CFAP46: variants seen among roughly 807,000 people sequenced by gnomAD.
CFAP46 encodes cilia and flagella associated protein 46.
CFAP46 carries 245 observed loss-of-function variants against 325.7 expected under a neutral mutation model. That is an observed-to-expected ratio of 0.75 (90% CI 0.68 to 0.84). The LOEUF (loss-of-function observed/expected upper bound fraction) is 0.84, where lower values mean the gene tolerates loss of function less well. CFAP46 is among the 40% of genes least tolerant of loss of function. The pLI, the probability that CFAP46 is intolerant of heterozygous loss-of-function variation, is 0.00. For synonymous variants in CFAP46, 1,523 were observed against 1,495.9 expected (o/e 1.02, Z -0.42); for missense variants, 3,346 against 3,543.0 (o/e 0.94, Z 1.41).
At chr10:132,920,522 G>A (rs998095479) in intron 13 of CFAP46, among the ~76,000 whole-genome samples, 3 of 152,216 alleles carry the variant, frequency 2.0e-5, no homozygotes, top group African/African-American at 7.2e-5. Context: ...AGACTCCCGA[G>A]CTCCCACCCA....
At chr10:132,935,882 G>A (rs368684310) in intron 7 of CFAP46, among the ~76,000 whole-genome samples, 1 of 124,448 alleles carries the variant, frequency 8.0e-6, no homozygotes, top group African/African-American at 3.0e-5. Context: ...CAAACCCACC[G>A]TGATCTCCTC....
intron 16 of CFAP46, 54 bp downstream of exon 16, chr10:132,918,339 C>T (rs1033116475): frequency 7.5e-7 from 1 of 1,325,702 alleles, no homozygotes; most frequent in Non-Finnish European, 1.0e-6. Context: ...ACCGATGAAC[C>T]CCCCTCTCCA....
At position 132,876,262 on chromosome 10, in the gene CFAP46, G is replaced by A. The variant is rs1848955869; in HGVS notation, c.4362+550C>T. On this transcript the variant is annotated intron_variant, in intron 31 of 57. Transcript: ENST00000368586. This position sits in a 1 kb window ranked among gnomAD's most constrained non-coding sequence, Gnocchi z 4.1. The stretch of plus-strand genomic sequence containing the variant: ...CGGCAGTGAACTGAATGACCACTAT[G>A]GAGGGCAGCATGGCAGCGTGGCACC... Among the ~76,000 whole-genome samples the A allele has an allele frequency of 6.6e-6, 1 of 152,262 alleles. No homozygotes were observed. The highest frequency in any genetic ancestry group is 1.5e-5 in the Non-Finnish European group (1 of 68,052).
At chr10:132,836,081 C>G in intron 46 of CFAP46, 61 bp downstream of exon 46, 1 of 1,380,538 alleles carries the variant, frequency 7.2e-7, no homozygotes, top group Admixed American at 1.9e-5. Context: ...CTCACCTCCC[C>G]ACTCTCGCCC....
chr10:132,898,797 C>A (rs777486396), intron 24 of CFAP46, 162 bp downstream of exon 24: 56 of 958,680 alleles, frequency 5.8e-5, no homozygotes, highest in Non-Finnish European at 8.6e-5. Context: ...AGTGCTGGGA[C>A]TTGGAGACCC....
Position 132,859,185 on chromosome 10 carries a change from G to A in CFAP46, c.5261C>T (p.Ser1754Leu), listed in dbSNP as rs2135216289. ...HSAVTEPTECSLLLKEMDDGL... is the reference protein window; with the variant it reads ...HSAVTEPTECLLLLKEMDDGL... ...ATCATCCATCTCTTTCAGTAGCAAC[G>A]AGCACTCTGTGGGTTCAGTGACCGC... Residue 1754 changes from serine to leucine, a missense_variant, in exon 38 of 58, where the codon TCG (serine) becomes TTG (leucine). Ser to Leu is a moderately radical substitution (Grantham distance 145). Transcript: ENST00000368586. 1.9e-6 allele frequency: 3 copies of A among 1,550,450 alleles called. No individual in the cohort carries two copies. The highest frequency in any genetic ancestry group is 2.6e-6 in the Non-Finnish European group (3 of 1,146,994).
At position 132,879,484 on chromosome 10, in the gene CFAP46, G is replaced by A. The variant is rs1591068237; in HGVS notation, c.3947C>T (p.Ala1316Val). The A allele has an allele frequency of 6.5e-7, 1 of 1,546,640 alleles. No individual in the cohort carries two copies. Among genetic ancestry groups the A allele is most frequent in the Non-Finnish European group, 8.7e-7 (1 of 1,145,590 alleles). Residue 1316 changes from alanine to valine, a missense_variant, in exon 29 of 58, where the codon GCC (alanine) becomes GTC (valine). Ala to Val is a moderately conservative substitution (Grantham distance 64). Coordinates refer to ENST00000368586, the MANE Select transcript of CFAP46 (RefSeq NM_001200049.3). ...ILLALVLSPGAEGYEDCCLAA... is the reference protein window; with the variant it reads ...ILLALVLSPGVEGYEDCCLAA... ...AAGGCAGCAGTCCTCGTAGCCCTCGGCGCCCGGCGACAGCACCAGGGCCAG... is the reference window on the plus strand; with the variant it reads ...AAGGCAGCAGTCCTCGTAGCCCTCGACGCCCGGCGACAGCACCAGGGCCAG...
chr10:132,938,510 C>A (rs1027128157), intron 5 of CFAP46, 79 bp downstream of exon 5: 18 of 1,404,628 alleles, frequency 1.3e-5, no homozygotes, highest in East Asian at 9.2e-5. Flanking sequence ...CCGTCCCCCC[C>A]CCGGAGAAGG....
In CFAP46 at chr10:132,919,510, C is replaced by A; in HGVS notation, c.1731-68G>T. ...GTGTGGTTGCTGAAGTTAGAAAACACCTGGGCTGGCTGCCTGAGAAAAGGC... is the reference window on the plus strand; with the variant it reads ...GTGTGGTTGCTGAAGTTAGAAAACAACTGGGCTGGCTGCCTGAGAAAAGGC... On this transcript the variant is annotated intron_variant, in intron 14 of 57. Coordinates refer to ENST00000368586, the MANE Select transcript of CFAP46 (RefSeq NM_001200049.3). The surrounding 1 kb of genome is among the most constrained non-coding windows in gnomAD (Gnocchi z 9.7). 2.0e-6 allele frequency: 3 copies of A among 1,491,780 alleles called. No homozygotes were observed. The highest frequency in any genetic ancestry group is 1.3e-5 in the South Asian group (1 of 78,374). 92.4% of individuals were successfully genotyped at this position (1,491,780 alleles called of 1,614,324 possible).
chr10:132,891,680 G>A (rs1175142736), intron 25 of CFAP46, among the ~76,000 whole-genome samples: 3 of 152,170 alleles, frequency 2.0e-5, no homozygotes, highest in Non-Finnish European at 2.9e-5. Context: ...GTGCCTTTTT[G>A]TCTGAGAAGA....
chr10:132,847,535 C>T lies in CFAP46; in HGVS notation c.5953-214G>A, dbSNP rs553251856. Among the ~76,000 whole-genome samples, 3 of 151,516 alleles carry T rather than the reference C, an allele frequency of 2.0e-5. No individual in the cohort carries two copies. Among genetic ancestry groups the T allele is most frequent in the Admixed American group, 6.6e-5 (1 of 15,222 alleles). On this transcript the variant is annotated intron_variant, in intron 41 of 57. Transcript: ENST00000368586. This position sits in a 1 kb window ranked among gnomAD's most constrained non-coding sequence, Gnocchi z 5.2. Reference sequence around the variant, plus strand: ...TGACCCGTGAGCCTGGGCAAGGGGACGCTGGAGCCTGGGCGAGGGGATGCT... The same window carrying T: ...TGACCCGTGAGCCTGGGCAAGGGGATGCTGGAGCCTGGGCGAGGGGATGCT...
chr10:132,911,122 C>CG (rs1849534973), intron 19 of CFAP46, among the ~76,000 whole-genome samples: 1 of 152,216 alleles, frequency 6.6e-6, no homozygotes, highest in South Asian at 2.1e-4. Context: ...GCCTGAGCCG[C>CG]CCACGGCGCC....
chr10:132,850,236 G>A lies in CFAP46; in HGVS notation c.5952+8C>T, dbSNP rs886582862. On this transcript the variant is annotated splice_region_variant and intron_variant, in intron 41 of 57. Coordinates refer to ENST00000368586, the MANE Select transcript of CFAP46 (RefSeq NM_001200049.3). ...AGCCAGACTTGGGATAGAAGCAGGA[G>A]CACCTACCGAGGGGCCCGCCTCCCA... The A allele has an allele frequency of 1.3e-6, 2 of 1,550,404 alleles. No homozygotes were observed. Among genetic ancestry groups the A allele is most frequent in the Admixed American group, 2.0e-5 (1 of 50,990 alleles).
In CFAP46 at chr10:132,847,439, G is replaced by T; in HGVS notation, c.5953-118C>A. On this transcript the variant is annotated intron_variant, in intron 41 of 57. Coordinates refer to ENST00000368586, the MANE Select transcript of CFAP46 (RefSeq NM_001200049.3). The surrounding 1 kb of genome is among the most constrained non-coding windows in gnomAD (Gnocchi z 5.2). ...TCCTCAGCAGGGTCCCCGGGTAGGG[G>T]GTACCGCAGGCCACAGCATGGCCTC... 1 of 1,238,636 alleles carries T rather than the reference G, an allele frequency of 8.1e-7. No individual in the cohort carries two copies. Among genetic ancestry groups the T allele is most frequent in the African/African-American group, 1.5e-5 (1 of 67,044 alleles). The allele number at this position is 1,238,636 out of a possible 1,614,324, so 76.7% of individuals were successfully genotyped here.
chr10:132,890,752 C>T (rs574089910), intron 25 of CFAP46, among the ~76,000 whole-genome samples: 5 of 152,254 alleles, frequency 3.3e-5, no homozygotes, highest in South Asian at 4.2e-4. Context: ...ACGGACTTGC[C>T]GTGTGCGTCG....
chr10:132,814,711 G>C lies in CFAP46; in HGVS notation c.7224C>G (p.Ile2408Met). The change falls in exon 52 of 58, where the codon ATC (isoleucine) becomes ATG (methionine). Residue 2408 changes from isoleucine to methionine, a missense_variant. Coordinates refer to ENST00000368586, the MANE Select transcript of CFAP46 (RefSeq NM_001200049.3). ...SIPRTIPPDC[I>M]IVDSDNFKFV... The stretch of plus-strand genomic sequence containing the variant: ...ACTTGAAGTTGTCTGAGTCGACTAT[G>C]ATGCAGTCAGGGGGGATGGTCCGGG... The C allele has an allele frequency of 1.1e-5, 18 of 1,611,950 alleles. No individual in the cohort carries two copies. The highest frequency in any genetic ancestry group is 1.5e-5 in the Non-Finnish European group (18 of 1,179,012).
chr10:132,902,404 G>A (rs138230947), intron 22 of CFAP46, among the ~76,000 whole-genome samples: 4 of 152,228 alleles, frequency 2.6e-5, no homozygotes, highest in East Asian at 1.9e-4. Context: ...ATTCTTCAGC[G>A]TCCAGCCTGA....
At chr10:132,823,049 G>A (rs1847915558) in intron 50 of CFAP46, among the ~76,000 whole-genome samples, 1 of 145,528 alleles carries the variant, frequency 6.9e-6, no homozygotes, top group Non-Finnish European at 1.5e-5. Context: ...GATGTGTGCT[G>A]TGTGCTGTGA....
rs115792726 is a variant in CFAP46 at position 132,936,790 on chromosome 10, G to A, written c.755+171C>T. Among the ~76,000 whole-genome samples, 696 of 152,172 alleles carry A rather than the reference G, an allele frequency of 4.6e-3. 9 individuals carry two copies. Among genetic ancestry groups the A allele is most frequent in the African/African-American group, 0.016 (664 of 41,512 alleles). ...AGGGCCAGGAATTGGGGTGGCCTTC[G>A]GATCCCCACACCCTGAGGTCTCCCA... On this transcript the variant is annotated intron_variant, in intron 7 of 57. Coordinates refer to ENST00000368586, the MANE Select transcript of CFAP46 (RefSeq NM_001200049.3).
Sources: gnomAD v4.1 joint callset for allele counts (sites outside exome capture counted in the v4.1 genomes callset) on GRCh38, gnomAD v4.1.1 for gene constraint, Gnocchi (gnomAD v3.1) non-coding constraint, MANE v1.5 for transcripts, NCBI Gene and HGNC (gene_info 2026-07-23, HGNC 2026-07-21) for gene names.